ABHD3: variants seen among roughly 807,000 people sequenced by gnomAD.
ABHD3 encodes the protein phospholipase ABHD3.
In ABHD3, 46 loss-of-function variants were observed where a neutral mutation model predicts 48.8. That is an observed-to-expected ratio of 0.94 (90% CI 0.74 to 1.20). The LOEUF (loss-of-function observed/expected upper bound fraction) is 1.20, where lower values mean the gene tolerates loss of function less well. Among genes scored for constraint, ABHD3 ranks in the 50% most tolerant of loss-of-function variants. ABHD3 has a pLI of 0.00. For missense variants in ABHD3, 490 were observed against 497.8 expected, an observed-to-expected ratio of 0.98 and a Z score of 0.15; for synonymous variants, 192 against 183.7, an observed-to-expected ratio of 1.04 and a Z score of -0.36.
At chr18:21,696,033 T>A in intron 3 of ABHD3, among the ~76,000 whole-genome samples, 1 of 152,142 alleles carries the variant, frequency 6.6e-6, no homozygotes, top group East Asian at 1.9e-4. Context: ...CTCGGTTTTA[T>A]TTTTTTAAAT....
chr18:21,680,891 TAC>T (rs1308135943), intron 4 of ABHD3, among the ~76,000 whole-genome samples: 15 of 150,884 alleles, frequency 9.9e-5, no homozygotes, highest in African/African-American at 3.2e-4. Flanking sequence ...TATATATATA[TAC>T]ACACACACAT....
At chr18:21,701,328 C>G (rs1469570058) in intron 3 of ABHD3, 1 of 151,944 alleles carries the variant, frequency 6.6e-6, no homozygotes, top group African/African-American at 2.4e-5. Context: ...ATCGTCCTAC[C>G]TCAGCCTTGT....
At chr18:21,702,573 G>A in intron 2 of ABHD3, 75 bp from the exon 3 acceptor site, 3 of 1,241,278 alleles carry the variant, frequency 2.4e-6, no homozygotes, top group Non-Finnish European at 3.3e-6. Flanking sequence ...CTAAACACAT[G>A]ACATTATTTG....
intron 4 of ABHD3, among the ~76,000 whole-genome samples, chr18:21,680,613 C>T (rs1196456399): frequency 6.6e-6 from 1 of 152,082 alleles, no homozygotes; most frequent in Non-Finnish European, 1.5e-5. Context: ...AACTGACACA[C>T]TGTGTAAGAC....
intron 6 of ABHD3, 150 bp from the exon 7 acceptor site, chr18:21,657,302 GAAT>G (rs1247146387): frequency 1.3e-5 from 8 of 603,204 alleles, no homozygotes; most frequent in African/African-American, 7.5e-5. Context: ...GGCAGGATTA[GAAT>G]AATAATGTTT....
chr18:21,671,590 C>G (rs1400828535), intron 4 of ABHD3, among the ~76,000 whole-genome samples: 3 of 151,910 alleles, frequency 2.0e-5, no homozygotes, highest in Non-Finnish European at 4.4e-5. Context: ...CGAAGGAAGA[C>G]CTGGGAGGAT....
chr18:21,704,408 GGCT>G, intron 1 of ABHD3, 93 bp downstream of exon 1: 2 of 1,197,162 alleles, frequency 1.7e-6, no homozygotes, highest in African/African-American at 3.2e-5. Context: ...CTATCCCCGG[GGCT>G]GCCGACCGCC....
At chr18:21,652,484 A>G (rs114860706) in intron 8 of ABHD3, among the ~76,000 whole-genome samples, 3,652 of 152,100 alleles carry the variant, frequency 0.024, 154 homozygotes, top group African/African-American at 0.083. Flanking sequence ...GAAAAAAGAA[A>G]GAAAGAGAGA....
chr18:21,670,467 G>A (rs2039732240), intron 4 of ABHD3, among the ~76,000 whole-genome samples: 1 of 152,166 alleles, frequency 6.6e-6, no homozygotes, highest in South Asian at 2.1e-4. Flanking sequence ...CAGTCTTTCT[G>A]CTTAAAATTT....
chr18:21,659,670 T>TG (rs2039440155), intron 5 of ABHD3, among the ~76,000 whole-genome samples: 1 of 151,902 alleles, frequency 6.6e-6, no homozygotes, highest in African/African-American at 2.4e-5. Flanking sequence ...GTTTTTTTTT[T>TG]TTGTGTGTGT....
At chr18:21,680,852 A>ATG (rs537497306) in intron 4 of ABHD3, among the ~76,000 whole-genome samples, 16,705 of 108,236 alleles carry the variant, frequency 0.15, 1,166 homozygotes, top group Non-Finnish European at 0.18. Context: ...TCTTTTTCAA[A>ATG]TGTGTGTGTG....
At chr18:21,682,098 C>A (rs557263170) in intron 4 of ABHD3, 20 of 152,556 alleles carry the variant, frequency 1.3e-4, no homozygotes, top group African/African-American at 4.8e-4. Context: ...GATTGTGCCA[C>A]TGCACTCCAG....
chr18:21,693,889 AC>A (rs1476698657), intron 3 of ABHD3, among the ~76,000 whole-genome samples: 1 of 152,032 alleles, frequency 6.6e-6, no homozygotes, highest in African/African-American at 2.4e-5. Context: ...GTCAGAACTA[AC>A]CCTTTTGTTT....
At chr18:21,679,303 T>C (rs2039955662) in intron 4 of ABHD3, among the ~76,000 whole-genome samples, 1 of 152,190 alleles carries the variant, frequency 6.6e-6, no homozygotes. Flanking sequence ...ACGTTAGCTC[T>C]AATAATCGAT....
At chr18:21,688,100 A>G (rs4800883) in intron 3 of ABHD3, among the ~76,000 whole-genome samples, 1 of 151,982 alleles carries the variant, frequency 6.6e-6, no homozygotes, top group Non-Finnish European at 1.5e-5. Context: ...GATCACACCA[A>G]TGCACTCCGG....
At position 21,704,733 on chromosome 18, in the gene ABHD3, G is replaced by GCGAGAGCGGA. The variant is rs1166294407; in HGVS notation, c.-78_-69dup. 28 of 1,309,058 alleles carry GCGAGAGCGGA rather than the reference G, an allele frequency of 2.1e-5. No homozygotes were observed. The highest frequency in any genetic ancestry group is 4.7e-5 in the African/African-American group (3 of 63,376). The allele number at this position is 1,309,058 out of a possible 1,614,324, so 81.1% of individuals were successfully genotyped here. On this transcript the variant is annotated 5_prime_UTR_variant, in exon 1 of 9. Coordinates refer to ENST00000289119, the MANE Select transcript of ABHD3 (RefSeq NM_138340.5). ...CCGGCTGGCGAGCGGGCGAGAGCGG[G>GCGAGAGCGGA]CGAGAGCGGACGCGGCGCCGCTGCC...
intron 3 of ABHD3, among the ~76,000 whole-genome samples, chr18:21,695,739 T>C (rs544386196): frequency 6.6e-6 from 1 of 152,310 alleles, no homozygotes; most frequent in Non-Finnish European, 1.5e-5. Flanking sequence ...CTTAGATTTT[T>C]ACATGAGAGA....
At chr18:21,703,531 A>G in intron 2 of ABHD3, 53 bp downstream of exon 2, 4 of 1,577,622 alleles carry the variant, frequency 2.5e-6, no homozygotes, top group East Asian at 2.3e-5. Context: ...GCAAGCAAGC[A>G]AACAAACAAC....
At chr18:21,696,068 C>T (rs550942623) in intron 3 of ABHD3, among the ~76,000 whole-genome samples, 59 of 151,240 alleles carry the variant, frequency 3.9e-4, no homozygotes, top group Middle Eastern at 3.4e-3. Flanking sequence ...TTTTTCTTCC[C>T]CCCTAGTAAT....
Sources: gnomAD v4.1 joint callset for allele counts (sites outside exome capture counted in the v4.1 genomes callset) on GRCh38, gnomAD v4.1.1 for gene constraint, MANE v1.5 for transcripts, NCBI Gene and HGNC (gene_info 2026-07-23, HGNC 2026-07-21) for gene names.